GLCCI1: variants seen among roughly 807,000 people sequenced by gnomAD.
GLCCI1 encodes glucocorticoid induced 1.
Under a neutral mutation model 52.2 loss-of-function variants are expected in GLCCI1, and 24 were observed. The ratio of observed to expected loss-of-function variants is 0.46; its 90% CI spans 0.33 to 0.65. The LOEUF (loss-of-function observed/expected upper bound fraction) is 0.65, where lower values mean the gene tolerates loss of function less well. GLCCI1 is among the 30% of genes least tolerant of loss of function. The pLI is 0.02. For synonymous variants in GLCCI1, 310 were observed against 276.5 expected, an observed-to-expected ratio of 1.12 and a Z score of -1.20; for missense variants, 704 against 701.5, an observed-to-expected ratio of 1.00 and a Z score of -0.04.
At chr7:8,071,734 GTTCT>G (rs762375423) in intron 6 of GLCCI1, among the ~76,000 whole-genome samples, 1 of 152,044 alleles carries the variant, frequency 6.6e-6, no homozygotes, top group Non-Finnish European at 1.5e-5. Context: ...CACTTCCTGG[GTTCT>G]TTCTGTTTCT....
At chr7:8,073,976 G>C (rs1782821867) in intron 6 of GLCCI1, among the ~76,000 whole-genome samples, 1 of 152,150 alleles carries the variant, frequency 6.6e-6, no homozygotes, top group Non-Finnish European at 1.5e-5. Flanking sequence ...TCTTTATAAA[G>C]AGAAAATTAA....
chr7:8,047,837 C>T (rs1163743422), intron 3 of GLCCI1, among the ~76,000 whole-genome samples: 2 of 152,216 alleles, frequency 1.3e-5, no homozygotes, highest in Non-Finnish European at 2.9e-5. Flanking sequence ...CACTCCTAAA[C>T]TCCTGTGTTC....
At chr7:8,045,930 C>T (rs1782113741) in intron 3 of GLCCI1, among the ~76,000 whole-genome samples, 1 of 148,628 alleles carries the variant, frequency 6.7e-6, no homozygotes, top group African/African-American at 2.5e-5. Context: ...GCCTCATTTA[C>T]ATCTGAGGAA....
At chr7:8,059,997 T>C in intron 4 of GLCCI1, 99 bp from the exon 5 acceptor site, 1 of 1,020,426 alleles carries the variant, frequency 9.8e-7, no homozygotes. Flanking sequence ...CAGAAATAAC[T>C]CCGTTCATTG....
chr7:8,021,369 G>A (rs748155080), intron 2 of GLCCI1, among the ~76,000 whole-genome samples: 7 of 152,020 alleles, frequency 4.6e-5, no homozygotes, highest in East Asian at 3.8e-4. Context: ...TTTACATTAC[G>A]CAAGTCTTCT....
chr7:7,972,875 A>G (rs2115399862), intron 1 of GLCCI1, among the ~76,000 whole-genome samples: 1 of 152,322 alleles, frequency 6.6e-6, no homozygotes, highest in African/African-American at 2.4e-5. Flanking sequence ...ATTGCCAAAT[A>G]CCTTGCTGTA....
chr7:8,023,588 C>CCTTTTTTTTTTTTTTTTT (rs1781543370), intron 3 of GLCCI1, among the ~76,000 whole-genome samples: 2 of 41,984 alleles, frequency 4.8e-5, no homozygotes, highest in African/African-American at 2.0e-4. Flanking sequence ...CTCTGTTATT[C>CCTTTTTTTTTTTTTTTTT]TTTTTTTTTT....
At chr7:7,988,914 T>C (rs1202950304) in intron 1 of GLCCI1, among the ~76,000 whole-genome samples, 1 of 152,182 alleles carries the variant, frequency 6.6e-6, no homozygotes, top group Admixed American at 6.5e-5. Context: ...TAAGGCTAAA[T>C]GATAAAGAAC....
At chr7:7,989,317 G>A (rs1427978058) in intron 1 of GLCCI1, among the ~76,000 whole-genome samples, 1 of 152,036 alleles carries the variant, frequency 6.6e-6, no homozygotes, top group Non-Finnish European at 1.5e-5. Flanking sequence ...CTGTCACATT[G>A]GCAAGTATGG....
intron 3 of GLCCI1, among the ~76,000 whole-genome samples, chr7:8,034,146 T>G (rs1189520871): frequency 6.6e-6 from 1 of 152,160 alleles, no homozygotes. Context: ...CAACACAATT[T>G]AATTGAAAAA....
chr7:8,016,791 A>G (rs1433876668), intron 2 of GLCCI1, among the ~76,000 whole-genome samples: 1 of 152,216 alleles, frequency 6.6e-6, no homozygotes, highest in African/African-American at 2.4e-5. Flanking sequence ...ACAGACACTG[A>G]TACTTATTAG....
In GLCCI1 at chr7:7,969,613, C is replaced by T. The variant is rs1182940309; in HGVS notation, c.263C>T (p.Ala88Val). The change falls in exon 1 of 8, where the codon GCC becomes GTC. Residue 88 changes from alanine to valine, a missense_variant. By Grantham distance (64) the Ala-to-Val change is moderately conservative (BLOSUM62 0). Coordinates refer to ENST00000223145, the MANE Select transcript of GLCCI1 (RefSeq NM_138426.4). This position sits in a 1 kb window ranked among gnomAD's most constrained non-coding sequence, Gnocchi z 4.9. ...CCCACGCGTCCGCCCGTCGCCGCTG[C>T]CGCCGCCTCGCTGGGCAGCCTCCCG... ...HSPTRPPVAA[A>V]AASLGSLPGP... 1.3e-5 allele frequency: 13 copies of T among 1,028,610 alleles called. No individual in the cohort carries two copies. Among genetic ancestry groups the T allele is most frequent in the African/African-American group, 1.7e-5 (1 of 57,380 alleles). The allele number at this position is 1,028,610 out of a possible 1,614,324, so 63.7% of individuals were successfully genotyped here. A position where few individuals can be genotyped will look rare whatever the true frequency, so the allele number is the denominator to read the frequency against.
chr7:7,993,245 A>G (rs553940577), intron 1 of GLCCI1, among the ~76,000 whole-genome samples: 1 of 152,100 alleles, frequency 6.6e-6, no homozygotes, highest in Non-Finnish European at 1.5e-5. Flanking sequence ...TCTGTCTTCA[A>G]GGCTCTAGTG....
At chr7:8,054,404 G>A (rs1160029903) in intron 3 of GLCCI1, among the ~76,000 whole-genome samples, 2 of 152,028 alleles carry the variant, frequency 1.3e-5, no homozygotes, top group African/African-American at 2.4e-5. Flanking sequence ...AACTTAAAAG[G>A]ATCTAAAGAT....
chr7:8,029,374 A>G (rs1012774203), intron 3 of GLCCI1, among the ~76,000 whole-genome samples: 1 of 152,204 alleles, frequency 6.6e-6, no homozygotes, highest in Non-Finnish European at 1.5e-5. Context: ...GATGCTGAAA[A>G]AACATTTGAT....
intron 3 of GLCCI1, 72 bp from the exon 4 acceptor site, chr7:8,055,361 C>A: frequency 1.2e-6 from 1 of 869,258 alleles, no homozygotes; most frequent in Non-Finnish European, 1.8e-6. Flanking sequence ...TACCCCAAAA[C>A]TGAAGAAATA....
intron 1 of GLCCI1, chr7:7,982,342 C>T (rs1780639993): frequency 5.4e-6 from 1 of 184,084 alleles, no homozygotes; most frequent in African/African-American, 2.4e-5. Context: ...TTTTTTCATA[C>T]TAGGATTATC....
At chr7:8,001,668 G>T (rs1453562596) in intron 1 of GLCCI1, among the ~76,000 whole-genome samples, 2 of 152,174 alleles carry the variant, frequency 1.3e-5, no homozygotes, top group African/African-American at 4.8e-5. Flanking sequence ...GTTTATTGCG[G>T]CACTATTCAC....
chr7:8,047,747 A>G (rs999795656), intron 3 of GLCCI1, among the ~76,000 whole-genome samples: 8 of 152,244 alleles, frequency 5.3e-5, no homozygotes, highest in African/African-American at 1.7e-4. Context: ...GATAATCACA[A>G]AAGGACTTTA....
Sources: gnomAD v4.1 joint callset for allele counts (sites outside exome capture counted in the v4.1 genomes callset) on GRCh38, gnomAD v4.1.1 for gene constraint, Gnocchi (gnomAD v3.1) non-coding constraint, MANE v1.5 for transcripts, NCBI Gene and HGNC (gene_info 2026-07-23, HGNC 2026-07-21) for gene names.